CPNE8: variants seen among roughly 807,000 people sequenced by gnomAD.
CPNE8 encodes copine 8.
A neutral mutation model predicts 81.5 loss-of-function variants in CPNE8; 45 were observed. That is an observed-to-expected ratio of 0.55 (90% confidence interval 0.44 to 0.71). The LOEUF (loss-of-function observed/expected upper bound fraction) is 0.71, where lower values mean the gene tolerates loss of function less well. Among genes scored for constraint, CPNE8 ranks in the 30% least tolerant of loss-of-function variants. The pLI is 0.00. For synonymous variants in CPNE8, 252 were observed against 226.3 expected (o/e 1.11, Z -1.02); for missense variants, 594 against 672.1 (o/e 0.88, Z 1.28).
At chr12:38,762,960 G>A (rs1393567406) in intron 8 of CPNE8, among the ~76,000 whole-genome samples, 1 of 152,204 alleles carries the variant, frequency 6.6e-6, no homozygotes, top group Non-Finnish European at 1.5e-5. Flanking sequence ...CCGGGTTCAT[G>A]CAATCCTCCT....
At chr12:38,807,327 C>T (rs937848580) in intron 6 of CPNE8, among the ~76,000 whole-genome samples, 1 of 148,092 alleles carries the variant, frequency 6.8e-6, no homozygotes, top group East Asian at 2.0e-4. Context: ...AAGCTGGAGG[C>T]ATCACACTAC....
At chr12:38,756,095 A>G (rs1370642907) in intron 10 of CPNE8, among the ~76,000 whole-genome samples, 1 of 151,650 alleles carries the variant, frequency 6.6e-6, no homozygotes, top group Non-Finnish European at 1.5e-5. Flanking sequence ...CATTAGCTCA[A>G]GATACCTAAT....
In CPNE8 at chr12:38,730,515, A is replaced by G. The variant is rs144625053; in HGVS notation, c.723-157T>C. ...ACAAAATATTTAAAAGGACTAATAC[A>G]TAATTACATTGTTCATTAATCTAAA... is the stretch of plus-strand genomic sequence containing the variant. On this transcript the variant is annotated intron_variant, in intron 10 of 19. Transcript: ENST00000331366. 3.4e-4 allele frequency among the ~76,000 whole-genome samples: 51 copies of G among 151,934 alleles called. No homozygotes were observed. In the East Asian group the frequency reaches 6.8e-3, roughly 20 times the overall value.
rs1938748863 is a variant in CPNE8, at chr12:38,653,592, T to C, written c.*290A>G. On this transcript the variant is annotated 3_prime_UTR_variant, in exon 20 of 20. Transcript: ENST00000331366. ...CACAGTTTGTGCTTTTTCCCAACAA[T>C]ACATTGGAAATTAGCTGTTTCTGTT... 1 of 223,436 alleles carries C rather than the reference T, an allele frequency of 4.5e-6. No individual in the cohort carries two copies. 13.8% of individuals were successfully genotyped at this position (223,436 alleles called of 1,614,324 possible).
At chr12:38,742,968 T>C (rs1377383315) in intron 10 of CPNE8, among the ~76,000 whole-genome samples, 1 of 151,932 alleles carries the variant, frequency 6.6e-6, no homozygotes, top group African/African-American at 2.4e-5. Flanking sequence ...GAATATTTGG[T>C]TTCTGAAGGA....
chr12:38,832,348 C>T (rs1473545628), intron 5 of CPNE8, among the ~76,000 whole-genome samples: 1 of 152,190 alleles, frequency 6.6e-6, no homozygotes, highest in Non-Finnish European at 1.5e-5. Flanking sequence ...AAGTCATTTC[C>T]TTTTCCAGCT....
intron 14 of CPNE8, among the ~76,000 whole-genome samples, chr12:38,701,195 A>C (rs562602050): frequency 2.0e-5 from 3 of 152,144 alleles, no homozygotes; most frequent in Non-Finnish European, 4.4e-5. Flanking sequence ...AATTGGTATT[A>C]ATTCCTCTTC....
intron 19 of CPNE8, among the ~76,000 whole-genome samples, chr12:38,662,711 A>C (rs1031154783): frequency 1.3e-5 from 2 of 152,110 alleles, no homozygotes; most frequent in African/African-American, 4.8e-5. Flanking sequence ...AAGAAAGCTG[A>C]AGGTATCACA....
intron 18 of CPNE8, 104 bp from the exon 19 acceptor site, chr12:38,670,906 T>C (rs1418024127): frequency 2.7e-6 from 2 of 730,400 alleles, no homozygotes; most frequent in African/African-American, 3.6e-5. Flanking sequence ...AAATGTGCTA[T>C]GAAAAGACAG....
intron 14 of CPNE8, among the ~76,000 whole-genome samples, chr12:38,695,009 T>A (rs1031970697): frequency 2.6e-5 from 4 of 152,318 alleles, no homozygotes; most frequent in African/African-American, 7.2e-5. Context: ...TTCCAAGAGT[T>A]ACCAGCGTTC....
chr12:38,733,455 C>T (rs1940883530), intron 10 of CPNE8, among the ~76,000 whole-genome samples: 1 of 151,912 alleles, frequency 6.6e-6, no homozygotes, highest in African/African-American at 2.4e-5. Context: ...ACAATTCTCA[C>T]TATACAGAGA....
At chr12:38,756,678 G>T (rs1941467433) in intron 10 of CPNE8, among the ~76,000 whole-genome samples, 1 of 152,146 alleles carries the variant, frequency 6.6e-6, no homozygotes, top group Non-Finnish European at 1.5e-5. Flanking sequence ...TATCTGACCA[G>T]CTTTTCCCCA....
intron 18 of CPNE8, among the ~76,000 whole-genome samples, chr12:38,675,296 A>G (rs1431437040): frequency 6.6e-6 from 1 of 152,184 alleles, no homozygotes; most frequent in Non-Finnish European, 1.5e-5. Context: ...TTATGTTAAC[A>G]TTTCTTTTCA....
intron 8 of CPNE8, among the ~76,000 whole-genome samples, chr12:38,764,013 G>A (rs570524234): frequency 6.6e-6 from 1 of 152,038 alleles, no homozygotes; most frequent in African/African-American, 2.4e-5. Context: ...AAGACTTAAC[G>A]GCATCCGTGC....
intron 14 of CPNE8, among the ~76,000 whole-genome samples, chr12:38,700,810 A>C (rs535913041): frequency 6.6e-6 from 1 of 152,100 alleles, no homozygotes; most frequent in Non-Finnish European, 1.5e-5. Flanking sequence ...TAAGTCTCAT[A>C]AGATCTGATG....
chr12:38,672,504 TCCC>T (rs773506577), intron 18 of CPNE8, among the ~76,000 whole-genome samples: 17 of 152,114 alleles, frequency 1.1e-4, no homozygotes, highest in Non-Finnish European at 2.4e-4. Flanking sequence ...AACCCCAGTC[TCCC>T]ACCATTACCT....
chr12:38,780,163 G>C (rs986493011), intron 6 of CPNE8, among the ~76,000 whole-genome samples: 4 of 152,024 alleles, frequency 2.6e-5, no homozygotes, highest in Non-Finnish European at 4.4e-5. Context: ...ATTTATTAAA[G>C]GGACTATCTG....
intron 19 of CPNE8, among the ~76,000 whole-genome samples, chr12:38,667,285 G>C (rs916351339): frequency 2.0e-5 from 3 of 152,132 alleles, no homozygotes; most frequent in Admixed American, 2.0e-4. Flanking sequence ...CTGACCAGGG[G>C]AAGATTGAAA....
At chr12:38,832,918 T>C (rs1375841121) in intron 5 of CPNE8, among the ~76,000 whole-genome samples, 1 of 152,144 alleles carries the variant, frequency 6.6e-6, no homozygotes, top group Non-Finnish European at 1.5e-5. Flanking sequence ...TAGATCCATC[T>C]ACAAACCAAA....
Sources: gnomAD v4.1 joint callset for allele counts (sites outside exome capture counted in the v4.1 genomes callset) on GRCh38, gnomAD v4.1.1 for gene constraint, MANE v1.5 for transcripts, NCBI Gene and HGNC (gene_info 2026-07-23, HGNC 2026-07-21) for gene names.